NRG3: variants seen among roughly 807,000 people sequenced by gnomAD.
The protein encoded by NRG3 is neuregulin 3.
A neutral mutation model predicts 66.9 loss-of-function variants in NRG3; 31 were observed. The ratio of observed to expected loss-of-function variants is 0.46; its 90% CI spans 0.35 to 0.63. The LOEUF (loss-of-function observed/expected upper bound fraction) is 0.63. Ranked by LOEUF, NRG3 falls within the 20% of genes least tolerant of loss-of-function variation. NRG3 has a pLI of 0.00. For synonymous variants in NRG3, 393 were observed against 359.4 expected (o/e 1.09, Z -1.06); for missense variants, 910 against 878.9 (o/e 1.04, Z -0.45).
intron 1 of NRG3, among the ~76,000 whole-genome samples, chr10:81,952,395 G>T (rs981963114): frequency 1.4e-4 from 22 of 152,052 alleles, no homozygotes; most frequent in African/African-American, 4.6e-4. Flanking sequence ...GTGTATGTGT[G>T]CGTGTGAGAG....
chr10:82,654,317 G>A (rs2051676433), intron 2 of NRG3, among the ~76,000 whole-genome samples: 1 of 152,128 alleles, frequency 6.6e-6, no homozygotes, highest in African/African-American at 2.4e-5. Flanking sequence ...AAAGAGGGTT[G>A]TGTGCTCACT....
At chr10:81,901,911 CT>C (rs1445784022) in intron 1 of NRG3, among the ~76,000 whole-genome samples, 1 of 152,102 alleles carries the variant, frequency 6.6e-6, no homozygotes, top group Admixed American at 6.6e-5. Context: ...TTCTGGACCA[CT>C]TACATGTTTA....
chr10:82,511,323 C>T (rs1302736867), intron 2 of NRG3, among the ~76,000 whole-genome samples: 3 of 152,156 alleles, frequency 2.0e-5, no homozygotes, highest in South Asian at 2.1e-4. Flanking sequence ...AATTTGTGCA[C>T]GATTCTCTGC....
intron 2 of NRG3, among the ~76,000 whole-genome samples, chr10:82,524,135 G>C (rs1488844496): frequency 2.0e-5 from 3 of 152,004 alleles, no homozygotes; most frequent in Admixed American, 6.6e-5. Context: ...AGGCACCTTT[G>C]TGATTATCTA....
chr10:82,925,293 T>G (rs550384523), intron 4 of NRG3, among the ~76,000 whole-genome samples: 1 of 152,324 alleles, frequency 6.6e-6, no homozygotes, highest in African/African-American at 2.4e-5. Flanking sequence ...TGACATGTGG[T>G]GGTTGAAAGC....
intron 1 of NRG3, among the ~76,000 whole-genome samples, chr10:82,326,462 T>A (rs568946553): frequency 5.1e-4 from 77 of 152,278 alleles, no homozygotes; most frequent in African/African-American, 1.7e-3. Flanking sequence ...TGATTTTTTT[T>A]AATTGACTAT....
chr10:82,643,365 G>A (rs2050711931), intron 2 of NRG3, among the ~76,000 whole-genome samples: 1 of 152,170 alleles, frequency 6.6e-6, no homozygotes, highest in South Asian at 2.1e-4. Context: ...ATCCATTTAA[G>A]ATGTGACTTG....
At chr10:82,578,673 C>T (rs146680804) in intron 2 of NRG3, among the ~76,000 whole-genome samples, 151 of 151,692 alleles carry the variant, frequency 1.0e-3, no homozygotes, top group African/African-American at 3.2e-3. Flanking sequence ...TAAATAGCTA[C>T]GCTTATTTAA....
intron 3 of NRG3, among the ~76,000 whole-genome samples, chr10:82,765,241 T>C (rs954561555): frequency 6.6e-6 from 1 of 152,054 alleles, no homozygotes; most frequent in Non-Finnish European, 1.5e-5. Flanking sequence ...TCTAACCATA[T>C]GGAAATGAAA....
At chr10:82,229,968 A>C (rs867190418) in intron 1 of NRG3, among the ~76,000 whole-genome samples, 1 of 152,344 alleles carries the variant, frequency 6.6e-6, no homozygotes, top group Middle Eastern at 3.4e-3. Flanking sequence ...AATTGTCAGG[A>C]TAGATGAAAA....
At position 82,979,051 on chromosome 10, in the gene NRG3, T is replaced by C; in HGVS notation, c.1514T>C (p.Ile505Thr). ...TCACCCCGAAGTAGGCTAGGTGGAA[T>C]TGTGGGACCAGCATATCAGCAACTC... is the stretch of plus-strand genomic sequence containing the variant. ...PPSPRSRLGG[I>T]VGPAYQQLEE... is the part of the protein sequence containing the mutation. Residue 505 changes from isoleucine (I) to threonine (T), a missense_variant, in exon 8 of 9, where the codon ATT becomes ACT. By Grantham distance (89) the Ile-to-Thr change is moderately conservative. Transcript: ENST00000372141. The C allele has an allele frequency of 6.2e-7, 1 of 1,614,090 alleles. No homozygotes were observed. Among genetic ancestry groups the C allele is most frequent in the African/African-American group, 1.3e-5 (1 of 75,050 alleles).
intron 2 of NRG3, among the ~76,000 whole-genome samples, chr10:82,588,436 G>A (rs1291823941): frequency 6.6e-6 from 1 of 152,080 alleles, no homozygotes; most frequent in Non-Finnish European, 1.5e-5. Flanking sequence ...AGCTTCCTGA[G>A]GCTCTCACCA....
chr10:81,886,015 G>A (rs965231908), intron 1 of NRG3, among the ~76,000 whole-genome samples: 16 of 151,986 alleles, frequency 1.1e-4, no homozygotes, highest in African/African-American at 3.1e-4. Flanking sequence ...AACACATTTC[G>A]GGTGTGGGGG....
chr10:81,953,180 G>T (rs1333785466), intron 1 of NRG3, among the ~76,000 whole-genome samples: 1 of 152,092 alleles, frequency 6.6e-6, no homozygotes, highest in African/African-American at 2.4e-5. Flanking sequence ...CTGTGGCTAG[G>T]TAGATACCCA....
chr10:82,213,735 CATTA>C (rs888656752), intron 1 of NRG3, among the ~76,000 whole-genome samples: 2 of 152,150 alleles, frequency 1.3e-5, no homozygotes, highest in Non-Finnish European at 2.9e-5. Flanking sequence ...TGAGCAAAAA[CATTA>C]ATTAATTAAA....
At chr10:82,433,125 A>G (rs1478209544) in intron 2 of NRG3, among the ~76,000 whole-genome samples, 1 of 152,016 alleles carries the variant, frequency 6.6e-6, no homozygotes, top group Non-Finnish European at 1.5e-5. Flanking sequence ...ACCAGCATCT[A>G]TGGTTTCCTG....
At chr10:82,576,812 T>C (rs1309923387) in intron 2 of NRG3, among the ~76,000 whole-genome samples, 1 of 151,686 alleles carries the variant, frequency 6.6e-6, no homozygotes, top group Non-Finnish European at 1.5e-5. Context: ...GTTTGAGACA[T>C]AATAGGTTTG....
At chr10:82,779,819 C>T (rs2060047887) in intron 3 of NRG3, among the ~76,000 whole-genome samples, 2 of 151,934 alleles carry the variant, frequency 1.3e-5, no homozygotes. Context: ...TGGTTTGCTG[C>T]ACCCATCAAC....
At chr10:82,001,190 T>TA (rs200565414) in intron 1 of NRG3, among the ~76,000 whole-genome samples, 5 of 119,620 alleles carry the variant, frequency 4.2e-5, no homozygotes, top group East Asian at 5.4e-4. Flanking sequence ...AAGGAAAGTG[T>TA]AAGAGAAAAA....
Sources: allele counts gnomAD v4.1 joint callset (sites outside exome capture counted in the v4.1 genomes callset), GRCh38; gene constraint gnomAD v4.1.1; transcripts MANE v1.5; gene names NCBI Gene and HGNC (gene_info 2026-07-23, HGNC 2026-07-21).